INTS12: variants seen among roughly 807,000 people sequenced by gnomAD.
INTS12 encodes PHD finger protein 22.
In INTS12, 13 loss-of-function variants were observed where a neutral mutation model predicts 41.6. That is an observed-to-expected ratio of 0.31 (90% CI 0.20 to 0.50). The LOEUF (loss-of-function observed/expected upper bound fraction) is 0.50. Among genes scored for constraint, INTS12 ranks in the 20% least tolerant of loss-of-function variants. The probability of loss-of-function intolerance (pLI) is 0.98; values close to 1 mark genes in which losing one functional copy is unlikely to be tolerated. For missense variants in INTS12, 432 were observed against 541.6 expected (o/e 0.80, Z 2.01); for synonymous variants, 199 against 191.4 (o/e 1.04, Z -0.33).
intron 3 of INTS12, among the ~76,000 whole-genome samples, chr4:105,696,465 C>A (rs1416306671): frequency 6.6e-6 from 1 of 152,104 alleles, no homozygotes; most frequent in Non-Finnish European, 1.5e-5. Flanking sequence ...GAATCATATT[C>A]TTTTTTGGTC....
rs144650579 is a variant in INTS12 at position 105,699,931 on chromosome 4, T to C, written c.75A>G (p.Lys25=). 1.6e-3 allele frequency: 2,461 copies of C among 1,557,306 alleles called. 5 individuals are homozygous for C. Among genetic ancestry groups the C allele is most frequent in the Non-Finnish European group, 2.0e-3 (2,313 of 1,139,670 alleles). Residue 25 remains lysine, a synonymous_variant, in exon 3 of 8, where the codon AAA becomes AAG. Coordinates refer to ENST00000340139, the MANE Select transcript of INTS12 (RefSeq NM_020395.4). ...GTGCTTTTAGCTTTTCAGCAGAATC[T>C]TTACTCTTTGAATGCAAGAAACCTA... is the stretch of plus-strand genomic sequence containing the variant. ...KALGFLHSKS[K]DSAEKLKALL... is the part of the protein sequence containing the mutation.
At chr4:105,688,747 T>C (rs987908095) in intron 6 of INTS12, among the ~76,000 whole-genome samples, 5 of 152,186 alleles carry the variant, frequency 3.3e-5, no homozygotes, top group African/African-American at 1.2e-4. Flanking sequence ...AACTTGTATG[T>C]TTTAACAGAT....
intron 1 of INTS12, chr4:105,705,608 T>C (rs1732237442): frequency 1.3e-5 from 2 of 152,204 alleles, no homozygotes; most frequent in African/African-American, 4.8e-5. Context: ...CATTAAATGT[T>C]ACCTAGTATC....
chr4:105,707,097 T>C (rs1286014641), intron 1 of INTS12, among the ~76,000 whole-genome samples: 1 of 152,162 alleles, frequency 6.6e-6, no homozygotes, highest in Non-Finnish European at 1.5e-5. Flanking sequence ...ATCTGCCTTA[T>C]AGCTAGCTGA....
chr4:105,693,692 GAAAT>G (rs1731766342), intron 4 of INTS12, among the ~76,000 whole-genome samples: 1 of 152,142 alleles, frequency 6.6e-6, no homozygotes, highest in South Asian at 2.1e-4. Flanking sequence ...CAGCAAGATA[GAAAT>G]AAATAAATCA....
chr4:105,690,340 G>A (rs966052743), intron 6 of INTS12, among the ~76,000 whole-genome samples: 11 of 152,198 alleles, frequency 7.2e-5, no homozygotes, highest in Admixed American at 7.2e-4. Flanking sequence ...GAATTCTAAT[G>A]ATAGTAAGCA....
At chr4:105,707,698 C>T (rs1194492988) in intron 1 of INTS12, among the ~76,000 whole-genome samples, 1 of 152,202 alleles carries the variant, frequency 6.6e-6, no homozygotes, top group African/African-American at 2.4e-5. Flanking sequence ...ATTAATCCCA[C>T]TGGTCTGTAA....
chr4:105,685,901 T>C (rs181294091), intron 7 of INTS12, among the ~76,000 whole-genome samples: 50 of 152,092 alleles, frequency 3.3e-4, no homozygotes, highest in African/African-American at 1.2e-3. Context: ...GTAGATAACA[T>C]TGAAAGTTTA....
At chr4:105,693,598 T>C (rs78988212) in intron 4 of INTS12, 112 bp from the exon 5 acceptor site, 3 of 766,766 alleles carry the variant, frequency 3.9e-6, no homozygotes, top group Non-Finnish European at 4.3e-6. Context: ...ATTTTACAGA[T>C]ATATTCACAT....
Position 105,700,019 on chromosome 4 carries a change from A to C in INTS12, c.-9-5T>G, listed in dbSNP as rs775399743. On this transcript the variant is annotated splice_region_variant and splice_polypyrimidine_tract_variant and intron_variant, in intron 2 of 7. Transcript: ENST00000340139. The stretch of plus-strand genomic sequence containing the variant: ...AGTAGCAGCCATTGCAAACGCCTGA[A>C]GGAAAAAAAGAGAAAGTAATCTAGA... The C allele has an allele frequency of 4.8e-6, 7 of 1,465,454 alleles. No homozygotes were observed. In the African/African-American group the frequency reaches 8.4e-5, roughly 18 times the overall value. 90.8% of individuals were successfully genotyped at this position (1,465,454 alleles called of 1,614,324 possible). A position where few individuals can be genotyped will look rare whatever the true frequency, so the allele number is the denominator to read the frequency against.
Position 105,692,082 on chromosome 4 carries a change from T to C in INTS12, c.551A>G (p.Asn184Ser). 6.2e-7 allele frequency: 1 copy of C among 1,609,942 alleles called. No homozygotes were observed. Among genetic ancestry groups the C allele is most frequent in the South Asian group, 1.1e-5 (1 of 89,974 alleles). The change falls in exon 6 of 8, where the codon AAT becomes AGT. Residue 184 changes from asparagine to serine, a missense_variant. Asn to Ser is a conservative substitution (Grantham distance 46, BLOSUM62 1). Around this residue, in one of 3 missense-constraint regions of INTS12, gnomAD observed 6 missense variants for 32.7 expected, o/e 0.18. Coordinates refer to ENST00000340139, the MANE Select transcript of INTS12 (RefSeq NM_020395.4). ...NQLVECQECH[N>S]LYHRDCHKPQ... ...TTTATGACAATCTCGGTGGTAGAGA[T>C]TATGGCACTCCTGACATTCTACTAA...
At chr4:105,706,644 T>G (rs1164139862) in intron 1 of INTS12, among the ~76,000 whole-genome samples, 1 of 152,220 alleles carries the variant, frequency 6.6e-6, no homozygotes, top group Middle Eastern at 3.2e-3. Flanking sequence ...AGATTCTGAT[T>G]ATCTTCCCGA....
chr4:105,697,674 T>C (rs1310692923), intron 3 of INTS12, among the ~76,000 whole-genome samples: 1 of 152,210 alleles, frequency 6.6e-6, no homozygotes, highest in Non-Finnish European at 1.5e-5. Context: ...TCTTACTATT[T>C]GGCTCTTTAT....
chr4:105,702,927 CT>C, intron 2 of INTS12: 13 of 985,192 alleles, frequency 1.3e-5, no homozygotes, highest in Non-Finnish European at 1.4e-5. Context: ...ATCTCTGTTA[CT>C]TTTCCTTCCT....
chr4:105,687,283 T>A (rs1731529992), intron 6 of INTS12, among the ~76,000 whole-genome samples: 1 of 152,168 alleles, frequency 6.6e-6, no homozygotes, highest in African/African-American at 2.4e-5. Flanking sequence ...CTCAGATCAT[T>A]TATATGGTTT....
intron 6 of INTS12, 115 bp downstream of exon 6, chr4:105,691,861 C>A: frequency 1.6e-5 from 11 of 703,408 alleles, no homozygotes; most frequent in Non-Finnish European, 2.4e-5. Flanking sequence ...AATAAATAAT[C>A]AGCTTATATT....
chr4:105,696,508 AT>A (rs1731873452), intron 3 of INTS12, among the ~76,000 whole-genome samples: 2 of 152,112 alleles, frequency 1.3e-5, no homozygotes, highest in African/African-American at 4.8e-5. Context: ...TTATTTTGAG[AT>A]TCATCCATGT....
chr4:105,687,878 AT>A (rs1207496531), intron 6 of INTS12, among the ~76,000 whole-genome samples: 1 of 151,974 alleles, frequency 6.6e-6, no homozygotes, highest in Non-Finnish European at 1.5e-5. Context: ...GCTTGAACCC[AT>A]TAGGTGGAGG....
chr4:105,696,481 T>G (rs1250624623), intron 3 of INTS12, among the ~76,000 whole-genome samples: 2 of 152,218 alleles, frequency 1.3e-5, no homozygotes, highest in Admixed American at 1.3e-4. Context: ...TGGTCTGGCT[T>G]CTTCTACTCA....
Sources: gnomAD v4.1 joint callset for allele counts (sites outside exome capture counted in the v4.1 genomes callset) on GRCh38, gnomAD v4.1.1 for gene constraint, gnomAD v4.1.1 regional missense constraint, MANE v1.5 for transcripts, NCBI Gene and HGNC (gene_info 2026-07-23, HGNC 2026-07-21) for gene names.